Variants in DAB1 observed in about 807,000 individuals in gnomAD.
DAB1 encodes DAB adaptor protein 1.
DAB1 carries 15 observed loss-of-function variants against 64.6 expected under a neutral mutation model. The ratio of observed to expected loss-of-function variants is 0.23; its 90% CI spans 0.16 to 0.36. The LOEUF is 0.36. DAB1 is among the 10% of genes least tolerant of loss of function. The pLI is 1.00. For synonymous variants in DAB1, 235 were observed against 251.9 expected (o/e 0.93, Z 0.64); for missense variants, 596 against 706.7 (o/e 0.84, Z 1.78).
intron 7 of DAB1, among the ~76,000 whole-genome samples, chr1:57,619,780 C>T (rs773205712): frequency 6.6e-5 from 10 of 152,082 alleles, no homozygotes; most frequent in Non-Finnish European, 1.3e-4. Context: ...CCAGCAGGGA[C>T]AATCCTTCTT....
At chr1:57,056,333 TAAA>T (rs903018252) in intron 9 of DAB1, among the ~76,000 whole-genome samples, 23 of 117,278 alleles carry the variant, frequency 2.0e-4, no homozygotes, top group African/African-American at 2.0e-4. Flanking sequence ...TCCTCATCTT[TAAA>T]AAAAAAAAAA....
chr1:58,024,578 C>T (rs1431263625), intron 5 of DAB1, among the ~76,000 whole-genome samples: 1 of 152,150 alleles, frequency 6.6e-6, no homozygotes, highest in Non-Finnish European at 1.5e-5. Flanking sequence ...ATTCTTATCA[C>T]CATTGTTATC....
At chr1:58,509,536 TAA>T (rs59473637) in intron 2 of DAB1, among the ~76,000 whole-genome samples, 4 of 116,950 alleles carry the variant, frequency 3.4e-5, no homozygotes, top group African/African-American at 6.4e-5. Flanking sequence ...ACACCTACAT[TAA>T]AAAAAAAAAG....
chr1:58,496,702 C>A (rs1296733441), intron 3 of DAB1, among the ~76,000 whole-genome samples: 2 of 152,130 alleles, frequency 1.3e-5, no homozygotes, highest in Admixed American at 6.5e-5. Flanking sequence ...AACTCTTGTA[C>A]ACTTACCGTT....
chr1:57,278,755 G>T (rs188328143), intron 2 of DAB1, among the ~76,000 whole-genome samples: 181 of 152,256 alleles, frequency 1.2e-3, no homozygotes, highest in Admixed American at 5.8e-3. Context: ...TTCAAATTGC[G>T]CAAGGTGTTT....
rs11579025 is a variant in DAB1 at position 57,951,333 on chromosome 1, C to T, written n.388-67171G>A. On this transcript the variant is annotated intron_variant and non_coding_transcript_variant, in intron 5 of 20. Transcript: ENST00000485760. ...AGCCTGATTCATATATATATATATA[C>T]TTCCCTGGAAACTTAAATTAGCCCA... Among the ~76,000 whole-genome samples, 141 of 40,048 alleles carry T rather than the reference C, an allele frequency of 3.5e-3. 24 individuals are homozygous for T. The highest frequency in any genetic ancestry group is 0.018 in the Admixed American group (58 of 3,266). The allele number at this position is 40,048 out of a possible 152,430, so 26.3% of individuals were successfully genotyped here. A position where few individuals can be genotyped will look rare whatever the true frequency, so the allele number is the denominator to read the frequency against.
intron 5 of DAB1, among the ~76,000 whole-genome samples, chr1:58,005,746 A>G (rs1378317308): frequency 6.6e-6 from 1 of 152,112 alleles, no homozygotes; most frequent in Non-Finnish European, 1.5e-5. Flanking sequence ...TGGTTAATTA[A>G]TAATAATAAT....
intron 4 of DAB1, among the ~76,000 whole-genome samples, chr1:57,114,445 G>C (rs954181984): frequency 1.3e-5 from 2 of 152,226 alleles, no homozygotes; most frequent in South Asian, 4.1e-4. Flanking sequence ...CTTTCTTAAA[G>C]AGAATTCCAT....
chr1:57,407,899 T>C (rs1457965973), intron 1 of DAB1, among the ~76,000 whole-genome samples: 1 of 152,164 alleles, frequency 6.6e-6, no homozygotes, highest in Non-Finnish European at 1.5e-5. Flanking sequence ...CTTCCTTCAT[T>C]ACATCTAAAT....
chr1:57,781,673 G>T (rs1254160686), intron 6 of DAB1, among the ~76,000 whole-genome samples: 2 of 144,136 alleles, frequency 1.4e-5, no homozygotes, highest in Admixed American at 7.1e-5. Context: ...ATATGGAATA[G>T]TTATCAAGGT....
At chr1:57,392,132 G>C (rs1233074021) in intron 1 of DAB1, among the ~76,000 whole-genome samples, 1 of 152,168 alleles carries the variant, frequency 6.6e-6, no homozygotes, top group Non-Finnish European at 1.5e-5. Context: ...CCAGCACTTT[G>C]GGAGGCCAAG....
At chr1:57,934,412 TAGAA>T (rs1644997605) in intron 5 of DAB1, among the ~76,000 whole-genome samples, 1 of 152,102 alleles carries the variant, frequency 6.6e-6, no homozygotes, top group Non-Finnish European at 1.5e-5. Flanking sequence ...ATTAGAGAGT[TAGAA>T]AGAAAAGTTG....
rs1180662610 is a variant in DAB1 at position 57,781,086 on chromosome 1, TTCTCTC to T, written n.551+102907_551+102912del. Among the ~76,000 whole-genome samples, 161 of 42,044 alleles carry T rather than the reference TTCTCTC, an allele frequency of 3.8e-3. 2 individuals are homozygous for T. Among genetic ancestry groups the T allele is most frequent in the Non-Finnish European group, 5.5e-3 (109 of 19,850 alleles). 27.6% of individuals were successfully genotyped at this position (42,044 alleles called of 152,430 possible). On this transcript the variant is annotated intron_variant and non_coding_transcript_variant, in intron 6 of 20. Coordinates refer to the DAB1 transcript ENST00000485760. ...TGCATATTTTATATATTTGAGATCA[TTCTCTC>T]TCTCTCTCTCTCTCTCTCTCTCTCT... is the stretch of plus-strand genomic sequence containing the variant.
intron 5 of DAB1, among the ~76,000 whole-genome samples, chr1:58,080,860 A>T (rs991660893): frequency 3.3e-5 from 5 of 152,212 alleles, no homozygotes; most frequent in Non-Finnish European, 7.3e-5. Context: ...GCTATCATAC[A>T]ATTAACAGTA....
chr1:57,057,873 G>C (rs571855540), intron 9 of DAB1, among the ~76,000 whole-genome samples: 13 of 152,236 alleles, frequency 8.5e-5, no homozygotes, highest in East Asian at 5.8e-4. Context: ...CTCCCAAAGT[G>C]CTGGGATTAC....
intron 4 of DAB1, among the ~76,000 whole-genome samples, chr1:58,211,731 T>A (rs1279650913): frequency 6.6e-6 from 1 of 152,184 alleles, no homozygotes; most frequent in Non-Finnish European, 1.5e-5. Flanking sequence ...TATTTTCTCC[T>A]TTTTTGGATA....
intron 4 of DAB1, among the ~76,000 whole-genome samples, chr1:58,178,179 A>G (rs1050913686): frequency 2.8e-4 from 43 of 152,132 alleles, no homozygotes; most frequent in African/African-American, 6.0e-4. Flanking sequence ...ATCTTTTCCA[A>G]TCACACTCAA....
intron 1 of DAB1, among the ~76,000 whole-genome samples, chr1:58,529,561 AAC>A (rs1339628885): frequency 1.3e-5 from 2 of 152,214 alleles, no homozygotes; most frequent in Non-Finnish European, 2.9e-5. Flanking sequence ...ATGATATTTT[AAC>A]AGAGTGAAAA....
At chr1:57,018,044 C>T (rs980431525) in intron 11 of DAB1, among the ~76,000 whole-genome samples, 7 of 152,100 alleles carry the variant, frequency 4.6e-5, no homozygotes, top group African/African-American at 1.2e-4. Flanking sequence ...CCAATGCGTA[C>T]GACAAAGCAT....
Sources: gnomAD v4.1 joint callset for allele counts (sites outside exome capture counted in the v4.1 genomes callset) on GRCh38, gnomAD v4.1.1 for gene constraint, MANE v1.5 for transcripts, NCBI Gene and HGNC (gene_info 2026-07-23, HGNC 2026-07-21) for gene names.